The following DEPTOR variants were observed in gnomAD, a reference collection of about 807,000 sequenced individuals.
The protein encoded by DEPTOR is DEP domain-containing mTOR-interacting protein.
A neutral mutation model predicts 41.6 loss-of-function variants in DEPTOR; 41 were observed. The ratio of observed to expected loss-of-function variants is 0.98; its 90% CI spans 0.77 to 1.28. The LOEUF (loss-of-function observed/expected upper bound fraction) is 1.28, where lower values mean the gene tolerates loss of function less well. DEPTOR is among the 50% of genes most tolerant of loss of function. The pLI, the probability that DEPTOR is intolerant of heterozygous loss-of-function variation, is 0.00. For synonymous variants in DEPTOR, 195 were observed against 192.3 expected (o/e 1.01, Z -0.12); for missense variants, 514 against 527.9 (o/e 0.97, Z 0.26).
intron 4 of DEPTOR, among the ~76,000 whole-genome samples, chr8:119,988,737 G>A (rs1021498059): frequency 1.3e-5 from 2 of 151,996 alleles, no homozygotes; most frequent in Non-Finnish European, 2.9e-5. Flanking sequence ...CCCGCCTCGG[G>A]TCCCCAAAGT....
chr8:120,025,072 A>AG (rs1491163952), intron 8 of DEPTOR, among the ~76,000 whole-genome samples: 5 of 152,330 alleles, frequency 3.3e-5, no homozygotes, highest in African/African-American at 1.2e-4. Context: ...CCCTGCCCTC[A>AG]GGGGGCTTCA....
At chr8:119,988,967 T>C (rs1484992517) in intron 4 of DEPTOR, among the ~76,000 whole-genome samples, 9 of 143,354 alleles carry the variant, frequency 6.3e-5, no homozygotes, top group South Asian at 4.6e-4. Context: ...TCTTTTTTTT[T>C]TTTTTTTTTT....
At chr8:119,963,289 T>C (rs1477000128) in intron 3 of DEPTOR, among the ~76,000 whole-genome samples, 2 of 151,800 alleles carry the variant, frequency 1.3e-5, no homozygotes, top group East Asian at 1.9e-4. Context: ...CGAAAACCAA[T>C]AGAGTGTGAT....
At chr8:119,920,220 A>G (rs532824459) in intron 1 of DEPTOR, among the ~76,000 whole-genome samples, 5 of 152,236 alleles carry the variant, frequency 3.3e-5, no homozygotes, top group African/African-American at 1.2e-4. Flanking sequence ...TATTCTATCT[A>G]TGCTTCCCAC....
intron 1 of DEPTOR, among the ~76,000 whole-genome samples, chr8:119,914,757 CA>C (rs1305121686): frequency 6.6e-6 from 1 of 152,284 alleles, no homozygotes; most frequent in South Asian, 2.1e-4. Context: ...TTGAAAAATG[CA>C]AATCCTTGGG....
chr8:119,909,602 C>A (rs1195677269), intron 1 of DEPTOR, among the ~76,000 whole-genome samples: 1 of 152,208 alleles, frequency 6.6e-6, no homozygotes, highest in African/African-American at 2.4e-5. Flanking sequence ...TTAATGTAAA[C>A]AATTGCAAAC....
intron 8 of DEPTOR, among the ~76,000 whole-genome samples, chr8:120,011,539 A>T (rs1812530960): frequency 6.6e-6 from 1 of 151,976 alleles, no homozygotes; most frequent in African/African-American, 2.4e-5. Flanking sequence ...CCTGGTATAA[A>T]TTTTTTTTGG....
chr8:119,961,075 G>C (rs573751647), intron 3 of DEPTOR, among the ~76,000 whole-genome samples: 1 of 151,766 alleles, frequency 6.6e-6, no homozygotes, highest in Admixed American at 6.6e-5. Context: ...TGAATGCATA[G>C]TCAAATGTTC....
intron 1 of DEPTOR, among the ~76,000 whole-genome samples, chr8:119,886,885 C>T (rs1476702179): frequency 6.6e-6 from 1 of 152,104 alleles, no homozygotes; most frequent in East Asian, 1.9e-4. Flanking sequence ...TTCACTTGCT[C>T]AGCTCATATT....
In DEPTOR at chr8:119,894,809, T is replaced by C. The variant is rs757128121; in HGVS notation, c.122+20841T>C. ...AATTGGACTTTCATAGAAAGTTCGG[T>C]ATAGTATGTAACAAAGACAATACTT... On this transcript the variant is annotated intron_variant, in intron 1 of 8. Transcript: ENST00000286234. Among the ~76,000 whole-genome samples, 45 of 152,354 alleles carry C rather than the reference T, an allele frequency of 3.0e-4. 1 individual carries two copies. Among genetic ancestry groups the C allele is most frequent in the Middle Eastern group, 3.4e-3 (1 of 294 alleles).
intron 4 of DEPTOR, among the ~76,000 whole-genome samples, chr8:119,965,914 T>C (rs1233040389): frequency 1.3e-5 from 2 of 152,190 alleles, no homozygotes; most frequent in Non-Finnish European, 2.9e-5. Flanking sequence ...GGCCAAATCA[T>C]AATGATGCAA....
At position 119,912,912 on chromosome 8, in the gene DEPTOR, G is replaced by A. The variant is rs570118360; in HGVS notation, c.123-15488G>A. Among the ~76,000 whole-genome samples, 13 of 152,122 alleles carry A rather than the reference G, an allele frequency of 8.5e-5. No homozygotes were observed. The East Asian group carries it at 2.5e-3, about 29-fold the overall frequency. On this transcript the variant is annotated intron_variant, in intron 1 of 8. Transcript: ENST00000286234. ...GATCAGAATCTAGCTTTGTTTTTTT[G>A]TTTTTGTTTTTTGTTTGTTTGTTTT...
chr8:120,001,995 A>G (rs931038975), intron 5 of DEPTOR, among the ~76,000 whole-genome samples: 6 of 152,260 alleles, frequency 3.9e-5, no homozygotes, highest in Admixed American at 1.3e-4. Context: ...CTTGCCTGGC[A>G]TGGTGGCACA....
intron 4 of DEPTOR, among the ~76,000 whole-genome samples, chr8:119,984,287 T>C (rs1170822003): frequency 1.3e-5 from 2 of 152,132 alleles, no homozygotes; most frequent in African/African-American, 2.4e-5. Context: ...TTTTATTTTA[T>C]TTTTAATTTT....
chr8:119,936,546 T>C (rs1025847477), intron 3 of DEPTOR, among the ~76,000 whole-genome samples: 2 of 152,186 alleles, frequency 1.3e-5, no homozygotes, highest in Admixed American at 6.5e-5. Flanking sequence ...ATTCCCATTA[T>C]AAAAATGGGG....
At chr8:119,964,276 G>A (rs749015219) in intron 3 of DEPTOR, among the ~76,000 whole-genome samples, 1 of 152,058 alleles carries the variant, frequency 6.6e-6, no homozygotes, top group Non-Finnish European at 1.5e-5. Flanking sequence ...TGGCACTTTG[G>A]GAGGCCAAGA....
intron 3 of DEPTOR, among the ~76,000 whole-genome samples, chr8:119,952,159 A>G (rs1828361271): frequency 6.6e-6 from 1 of 152,034 alleles, no homozygotes. Context: ...AAGTCAAAGA[A>G]TTTCTTTAAA....
intron 4 of DEPTOR, among the ~76,000 whole-genome samples, chr8:120,000,226 C>A (rs1812326347): frequency 6.6e-6 from 1 of 152,016 alleles, no homozygotes; most frequent in African/African-American, 2.4e-5. Flanking sequence ...TTGTAATCAT[C>A]ACAACAGGCA....
At chr8:120,022,297 G>T (rs150679716) in intron 8 of DEPTOR, among the ~76,000 whole-genome samples, 2 of 152,208 alleles carry the variant, frequency 1.3e-5, no homozygotes, top group South Asian at 4.1e-4. Flanking sequence ...GTATCAGTGG[G>T]TTCATTTTTG....
Sources: gnomAD v4.1 joint callset for allele counts (sites outside exome capture counted in the v4.1 genomes callset) on GRCh38, gnomAD v4.1.1 for gene constraint, MANE v1.5 for transcripts, NCBI Gene and HGNC (gene_info 2026-07-23, HGNC 2026-07-21) for gene names.